The following ARB2A variants were observed in gnomAD, a reference collection of about 807,000 sequenced individuals.
ARB2A encodes the protein cotranscriptional regulator ARB2A.
chr5:93,781,707 ATAG>A, the ARB2A span, among the ~76,000 whole-genome samples: 5 of 150,836 alleles, frequency 3.3e-5, no homozygotes, highest in East Asian at 1.9e-4. Context: ...TTTTTTTTAA[ATAG>A]TAGCCATTCT....
At chr5:93,634,399 AAAAAAACAAAAAAC>A in the ARB2A span, among the ~76,000 whole-genome samples, 23 of 151,802 alleles carry the variant, frequency 1.5e-4, no homozygotes, top group East Asian at 7.8e-4. Flanking sequence ...ACTGTCTCAA[AAAAAAACAAAAAAC>A]AAAAAACAAA....
the ARB2A span, among the ~76,000 whole-genome samples, chr5:93,982,971 G>A: frequency 3.3e-5 from 5 of 152,114 alleles, no homozygotes; most frequent in Non-Finnish European, 5.9e-5. Context: ...TAGGAGAATC[G>A]CTTGAACTCA....
the ARB2A span, among the ~76,000 whole-genome samples, chr5:94,083,734 A>G: frequency 6.6e-6 from 1 of 152,070 alleles, no homozygotes; most frequent in African/African-American, 2.4e-5. Flanking sequence ...AAACACAGTA[A>G]CAATTTTAAA....
chr5:94,005,782 A>G, the ARB2A span, among the ~76,000 whole-genome samples: 1 of 152,224 alleles, frequency 6.6e-6, no homozygotes, highest in African/African-American at 2.4e-5. Flanking sequence ...ACATGAAAAG[A>G]TGTCTCCATC....
the ARB2A span, among the ~76,000 whole-genome samples, chr5:93,973,061 A>G: frequency 6.6e-6 from 1 of 151,294 alleles, no homozygotes; most frequent in Non-Finnish European, 1.5e-5. Context: ...TGATCCTCCC[A>G]CTTTAGCCAC....
the ARB2A span, among the ~76,000 whole-genome samples, chr5:93,821,607 T>C: frequency 6.6e-6 from 1 of 152,080 alleles, no homozygotes; most frequent in Admixed American, 6.5e-5. Flanking sequence ...AAATTTGCTT[T>C]TGCCTAAAAC....
At chr5:93,854,610 T>C in the ARB2A span, among the ~76,000 whole-genome samples, 2 of 152,236 alleles carry the variant, frequency 1.3e-5, no homozygotes, top group Non-Finnish European at 2.9e-5. Flanking sequence ...TAAATTTCCC[T>C]CTACACACTG....
the ARB2A span, among the ~76,000 whole-genome samples, chr5:93,843,409 C>A: frequency 6.9e-6 from 1 of 144,836 alleles, no homozygotes; most frequent in Non-Finnish European, 1.5e-5. Flanking sequence ...AAAAGTAGAA[C>A]AAGGATACTT....
the ARB2A span, among the ~76,000 whole-genome samples, chr5:93,943,751 C>T: frequency 1.3e-5 from 2 of 152,046 alleles, no homozygotes; most frequent in Admixed American, 1.3e-4. Flanking sequence ...ACTGAAATTA[C>T]TGAAAAATTT....
At chr5:93,784,216 T>C in the ARB2A span, 2 of 565,108 alleles carry the variant, frequency 3.5e-6, no homozygotes, top group Non-Finnish European at 3.2e-6. Context: ...GGTCTTCACA[T>C]GGGTTTTCTA....
At chr5:93,866,759 T>C in the ARB2A span, among the ~76,000 whole-genome samples, 1 of 152,190 alleles carries the variant, frequency 6.6e-6, no homozygotes, top group African/African-American at 2.4e-5. Flanking sequence ...AAGCAAGGGA[T>C]GACTGTGTGT....
chr5:93,892,195 T>A, the ARB2A span, among the ~76,000 whole-genome samples: 1 of 152,158 alleles, frequency 6.6e-6, no homozygotes, highest in Non-Finnish European at 1.5e-5. Context: ...TGTGTGAGAT[T>A]CTCTTAGCTG....
the ARB2A span, among the ~76,000 whole-genome samples, chr5:94,005,116 A>G: frequency 6.6e-6 from 1 of 151,942 alleles, no homozygotes; most frequent in Admixed American, 6.6e-5. Flanking sequence ...AAAAATTGAA[A>G]AAAATAGGCA....
the ARB2A span, among the ~76,000 whole-genome samples, chr5:93,941,977 A>G: frequency 6.6e-6 from 1 of 152,222 alleles, no homozygotes; most frequent in Non-Finnish European, 1.5e-5. Flanking sequence ...GCAAACAGCT[A>G]TTACAGAATG....
chr5:93,834,663 T>C, the ARB2A span, among the ~76,000 whole-genome samples: 1 of 152,178 alleles, frequency 6.6e-6, no homozygotes, highest in Non-Finnish European at 1.5e-5. Context: ...TAAATATATA[T>C]GTATATGTAT....
At chr5:93,786,594 T>A in the ARB2A span, among the ~76,000 whole-genome samples, 1 of 152,222 alleles carries the variant, frequency 6.6e-6, no homozygotes, top group Non-Finnish European at 1.5e-5. Context: ...TATTTGACTG[T>A]TTAGGATTAG....
chr5:93,962,706 G>T, the ARB2A span, among the ~76,000 whole-genome samples: 5 of 152,012 alleles, frequency 3.3e-5, no homozygotes, highest in African/African-American at 4.8e-5. Flanking sequence ...TACCAAATAT[G>T]TGATAATTTA....
the ARB2A span, among the ~76,000 whole-genome samples, chr5:93,692,092 C>T: frequency 0.024 from 3,724 of 152,208 alleles, 98 homozygotes; most frequent in East Asian, 0.13. Context: ...TAAAGACCAT[C>T]GACACTATAA....
the ARB2A span, among the ~76,000 whole-genome samples, chr5:93,889,309 T>C: frequency 6.6e-6 from 1 of 151,758 alleles, no homozygotes. Flanking sequence ...TTGTGTTGTA[T>C]ACATTCACAT....
Sources: allele counts gnomAD v4.1 joint callset (sites outside exome capture counted in the v4.1 genomes callset), GRCh38; gene constraint gnomAD v4.1.1; transcripts MANE v1.5; gene names NCBI Gene and HGNC (gene_info 2026-07-23, HGNC 2026-07-21).